MID1: variants seen among roughly 807,000 people sequenced by gnomAD.
MID1 encodes the protein midline 1.
MID1 carries 7 observed loss-of-function variants against 40.4 expected under a neutral mutation model. The ratio of observed to expected loss-of-function variants is 0.17; its 90% CI spans 0.10 to 0.33. MID1 has a LOEUF of 0.33. MID1 is among the 10% of genes least tolerant of loss of function. The pLI is 1.00. For synonymous variants in MID1, 229 were observed against 221.2 expected, an observed-to-expected ratio of 1.04 and a Z score of -0.31; for missense variants, 367 against 558.5, an observed-to-expected ratio of 0.66 and a Z score of 3.46.
At chrX:10,623,305 AGAAG>A (rs201219943), upstream of MID1, among the ~76,000 whole-genome samples, 2,927 of 100,840 alleles carry the variant, frequency 0.029, 51 homozygotes, top group Middle Eastern at 0.064. Context: ...AGAGAAAGAA[AGAAG>A]GAAGGAAGGA....
At chrX:10,523,025 G>A in intron 3 of MID1, 67 bp downstream of exon 3, 1 of 755,997 alleles carries the variant, frequency 1.3e-6, no homozygotes, top group Non-Finnish European at 2.0e-6. Flanking sequence ...AAAGCATGAG[G>A]ATATCAAAAC....
At chrX:10,601,898 TTTG>T (rs1250901986) in intron 1 of MID1, among the ~76,000 whole-genome samples, 106 of 105,359 alleles carry the variant, frequency 1.0e-3, no homozygotes, top group African/African-American at 3.8e-3. Flanking sequence ...TGTTTTTGTT[TTTG>T]TTTTTTTTTT....
At position 10,544,603 on chromosome X, in the gene MID1, A is replaced by C. The variant is rs7063486; in HGVS notation, c.661-21416T>G. Among the ~76,000 whole-genome samples, 501 of 112,477 alleles carry C rather than the reference A, an allele frequency of 4.5e-3. 2 individuals are homozygous for C. Among genetic ancestry groups the C allele is most frequent in the African/African-American group, 0.015 (458 of 30,967 alleles). On this transcript the variant is annotated intron_variant, in intron 2 of 9. Coordinates refer to ENST00000317552, the MANE Select transcript of MID1 (RefSeq NM_000381.4). Reference sequence around the variant, plus strand: ...TAATATATAGCTCACTCTAAATAAAACCAGCTCTGAGTCATTGACCTAATT... The same window carrying C: ...TAATATATAGCTCACTCTAAATAAACCCAGCTCTGAGTCATTGACCTAATT...
At chrX:10,482,727 C>T in intron 4 of MID1, 99 bp from the exon 5 acceptor site, 1 of 918,238 alleles carries the variant, frequency 1.1e-6, no homozygotes, top group Non-Finnish European at 1.6e-6. Flanking sequence ...GTTATCCTTC[C>T]ATAAAAGTTC....
chrX:10,496,140 G>A (rs990295034), intron 3 of MID1, among the ~76,000 whole-genome samples: 3 of 112,056 alleles, frequency 2.7e-5, no homozygotes, highest in South Asian at 3.7e-4. Flanking sequence ...CAAATTTTCC[G>A]TAAGCAATGT....
intron 2 of MID1, among the ~76,000 whole-genome samples, chrX:10,546,991 A>G (rs1933704870): frequency 8.9e-6 from 1 of 112,592 alleles, no homozygotes; most frequent in African/African-American, 3.2e-5. Flanking sequence ...ATAATTTGTC[A>G]TCATTGAAAG....
rs7065008 is a variant in MID1 at position 10,482,872 on chromosome X, T to C, written c.865-244A>G. Among the ~76,000 whole-genome samples, 701 of 112,311 alleles carry C rather than the reference T, an allele frequency of 6.2e-3. 3 individuals are homozygous for C. The highest frequency in any genetic ancestry group is 0.019 in the African/African-American group (576 of 30,945). ...AACACTGAATTGTGAATTGCTTCCCTGTTGATGGGAAAAAAAGGTGTTGCC... is the reference window on the plus strand; with the variant it reads ...AACACTGAATTGTGAATTGCTTCCCCGTTGATGGGAAAAAAAGGTGTTGCC... On this transcript the variant is annotated intron_variant, in intron 4 of 9. Transcript: ENST00000317552.
At chrX:10,562,450 T>C (rs1178849958) in intron 2 of MID1, among the ~76,000 whole-genome samples, 2 of 103,627 alleles carry the variant, frequency 1.9e-5, no homozygotes, top group African/African-American at 3.9e-5. Flanking sequence ...ATTAATTGAT[T>C]ACACAGACTG....
chrX:10,774,853 A>ACTCTTGTTGCCC (rs1460656628), intron 1 of MID1, among the ~76,000 whole-genome samples: 1 of 111,632 alleles, frequency 9.0e-6, no homozygotes, highest in Admixed American at 9.6e-5. Context: ...AAGAGTTTTC[A>ACTCTTGTTGCCC]AGATTGGCGT....
At chrX:10,485,574 T>C (rs1277914501) in intron 4 of MID1, among the ~76,000 whole-genome samples, 3 of 112,286 alleles carry the variant, frequency 2.7e-5, no homozygotes, top group African/African-American at 6.5e-5. Flanking sequence ...TGGAAATAGT[T>C]TGCCTGCTGG....
At chrX:10,808,668 C>T (rs927801505) in intron 1 of MID1, among the ~76,000 whole-genome samples, 2 of 111,390 alleles carry the variant, frequency 1.8e-5, no homozygotes, top group African/African-American at 6.5e-5. Flanking sequence ...CAAAAACAAG[C>T]AATGGGGAAA....
intron 1 of MID1, among the ~76,000 whole-genome samples, chrX:10,741,477 T>A (rs914779360): frequency 2.8e-5 from 3 of 107,787 alleles, no homozygotes; most frequent in Admixed American, 9.9e-5. Context: ...TTTTTTTTTT[T>A]AAATACATTC....
At position 10,642,078 on chromosome X, in the gene MID1, C is replaced by A. The variant is rs187197755; in HGVS notation, c.-186-21659G>T. 4.6e-3 allele frequency among the ~76,000 whole-genome samples: 515 copies of A among 111,957 alleles called. 3 individuals carry two copies. Among genetic ancestry groups the A allele is most frequent in the African/African-American group, 0.015 (467 of 30,845 alleles). ...CAATATCATACTGAATGGGCAAAAA[C>A]TGGACGCATTCCCTTTGAAAACTGG... On this transcript the variant is annotated intron_variant, in intron 1 of 10. Transcript: ENST00000380785.
intron 1 of MID1, among the ~76,000 whole-genome samples, chrX:10,825,213 G>A (rs973359457): frequency 6.3e-5 from 7 of 111,716 alleles, no homozygotes; most frequent in Admixed American, 5.7e-4. Flanking sequence ...ATAAATTTTG[G>A]TAATGACTTA....
At chrX:10,809,784 AG>A (rs1214479841) in intron 1 of MID1, among the ~76,000 whole-genome samples, 3 of 44,433 alleles carry the variant, frequency 6.8e-5, no homozygotes, top group East Asian at 1.5e-3. Context: ...GGGTAGGGGG[AG>A]GGGGGAGGGA....
intron 1 of MID1, among the ~76,000 whole-genome samples, chrX:10,746,480 A>T (rs1468511719): frequency 8.9e-6 from 1 of 111,777 alleles, no homozygotes; most frequent in Non-Finnish European, 1.9e-5. Flanking sequence ...CTGCACCTTC[A>T]ATTTCTATCC....
intron 1 of MID1, among the ~76,000 whole-genome samples, chrX:10,574,860 G>A (rs185242070): frequency 3.0e-3 from 337 of 112,203 alleles, no homozygotes; most frequent in Middle Eastern, 9.2e-3. Flanking sequence ...TTAATACCAC[G>A]TGGCTGTCAG....
At chrX:10,681,504 T>C (rs1295461242) in intron 1 of MID1, among the ~76,000 whole-genome samples, 1 of 112,262 alleles carries the variant, frequency 8.9e-6, no homozygotes, top group Non-Finnish European at 1.9e-5. Context: ...ATACAGTTTC[T>C]CCATGTGGCT....
chrX:10,493,251 G>A (rs1452380402), intron 4 of MID1, among the ~76,000 whole-genome samples: 3 of 111,976 alleles, frequency 2.7e-5, no homozygotes, highest in Non-Finnish European at 5.6e-5. Context: ...GAAGACGTGA[G>A]GATGGGAAGA....
Sources: gnomAD v4.1 joint callset for allele counts (sites outside exome capture counted in the v4.1 genomes callset) on GRCh38, gnomAD v4.1.1 for gene constraint, MANE v1.5 for transcripts, NCBI Gene and HGNC (gene_info 2026-07-23, HGNC 2026-07-21) for gene names.